Variants in PACRG observed in about 807,000 individuals in gnomAD.
PACRG encodes the protein parkin coregulated gene protein.
PACRG carries 29 observed loss-of-function variants against 29.7 expected under a neutral mutation model. The observed-to-expected ratio is 0.98, with a 90% CI of 0.73 to 1.33. The LOEUF (loss-of-function observed/expected upper bound fraction) is 1.33. Among genes scored for constraint, PACRG ranks in the 40% most tolerant of loss-of-function variants. The pLI, the probability that PACRG is intolerant of heterozygous loss-of-function variation, is 0.00. For missense variants in PACRG, 279 were observed against 316.2 expected (o/e 0.88, Z 0.89); for synonymous variants, 116 against 118.7 (o/e 0.98, Z 0.15).
chr6:162,964,738 A>G (rs923097125), intron 2 of PACRG, among the ~76,000 whole-genome samples: 5 of 152,226 alleles, frequency 3.3e-5, no homozygotes, highest in Non-Finnish European at 5.9e-5. Flanking sequence ...ATGAGCAAAG[A>G]GAAGGCAGTT....
intron 4 of PACRG, among the ~76,000 whole-genome samples, chr6:163,155,897 G>C (rs970881320): frequency 6.6e-5 from 10 of 152,188 alleles, no homozygotes; most frequent in African/African-American, 2.2e-4. Context: ...GCGCTGTTCA[G>C]GGGCCTTTTT....
chr6:163,304,015 CAA>C (rs59861286), intron 4 of PACRG, among the ~76,000 whole-genome samples: 6,886 of 76,184 alleles, frequency 0.09, 155 homozygotes, highest in Middle Eastern at 0.12. Context: ...GACTCCATTT[CAA>C]AAAAAAAAAA....
intron 2 of PACRG, among the ~76,000 whole-genome samples, chr6:162,924,543 G>T (rs1345406142): frequency 6.6e-6 from 1 of 151,968 alleles, no homozygotes; most frequent in Non-Finnish European, 1.5e-5. Context: ...AGCCTTTATT[G>T]TGCTAAGGTA....
chr6:163,193,516 C>CTGG (rs1562957663), intron 4 of PACRG, among the ~76,000 whole-genome samples: 4 of 152,084 alleles, frequency 2.6e-5, no homozygotes, highest in African/African-American at 9.7e-5. Context: ...CCAGAAATAC[C>CTGG]GAGACTGACC....
chr6:163,097,618 C>T (rs1814716311), intron 4 of PACRG, among the ~76,000 whole-genome samples: 1 of 152,148 alleles, frequency 6.6e-6, no homozygotes, highest in African/African-American at 2.4e-5. Context: ...AGACATAAGA[C>T]ATCAATCGAT....
intron 4 of PACRG, among the ~76,000 whole-genome samples, chr6:163,118,775 C>A (rs1002984220): frequency 6.6e-6 from 1 of 152,186 alleles, no homozygotes; most frequent in African/African-American, 2.4e-5. Flanking sequence ...GGGTTGCATT[C>A]TCTTAGTGAT....
intron 4 of PACRG, among the ~76,000 whole-genome samples, chr6:163,255,233 G>A (rs547364176): frequency 3.3e-5 from 5 of 152,304 alleles, no homozygotes; most frequent in South Asian, 4.1e-4. Context: ...AGGAGAGCCC[G>A]AATAAAGAGG....
chr6:162,740,992 A>G (rs1780548310), intron 1 of PACRG, among the ~76,000 whole-genome samples: 1 of 152,178 alleles, frequency 6.6e-6, no homozygotes. Flanking sequence ...ATCTGTTGTG[A>G]TGATTATAAG....
intron 2 of PACRG, among the ~76,000 whole-genome samples, chr6:163,031,731 C>A (rs1173997998): frequency 2.0e-5 from 3 of 152,168 alleles, no homozygotes; most frequent in Admixed American, 2.0e-4. Flanking sequence ...CTGAGCCCAG[C>A]CATGGGTTTC....
chr6:162,727,776 C>A (rs977031398), upstream of PACRG: 3 of 1,186,252 alleles, frequency 2.5e-6, no homozygotes, highest in Admixed American at 4.1e-5. Flanking sequence ...TCCAGGCCTC[C>A]CCGCCCCCGC....
intron 4 of PACRG, among the ~76,000 whole-genome samples, chr6:163,124,601 C>T (rs1277701669): frequency 1.3e-5 from 2 of 152,072 alleles, no homozygotes; most frequent in Non-Finnish European, 2.9e-5. Context: ...TAGGAAAGAG[C>T]CTCTGATTTT....
At chr6:163,085,570 TCTTGAATCCCCCAGG>T (rs1813484101) in intron 3 of PACRG, among the ~76,000 whole-genome samples, 1 of 152,144 alleles carries the variant, frequency 6.6e-6, no homozygotes, top group Non-Finnish European at 1.5e-5. Flanking sequence ...TTCTACTATC[TCTTGAATCCCCCAGG>T]GGAATCTCAT....
At chr6:162,792,309 A>T (rs529552938) in intron 1 of PACRG, among the ~76,000 whole-genome samples, 26 of 152,250 alleles carry the variant, frequency 1.7e-4, no homozygotes, top group Admixed American at 8.5e-4. Flanking sequence ...GGGCAGAAAT[A>T]GGAGTAAGGG....
chr6:163,211,408 C>A (rs1781133475), intron 4 of PACRG, among the ~76,000 whole-genome samples: 1 of 152,114 alleles, frequency 6.6e-6, no homozygotes, highest in African/African-American at 2.4e-5. Flanking sequence ...TCTTAAAATT[C>A]CCCATGATGA....
rs34674869 is a variant in PACRG at position 162,857,768 on chromosome 6, GT to G, written c.291+43500del. The stretch of plus-strand genomic sequence containing the variant: ...ATTCTCCAGATGATCCATTTGCTCT[GT>G]TTTTTTTTTTTTAATTTAAGGTCTC... On this transcript the variant is annotated intron_variant, in intron 2 of 4. Transcript: ENST00000366888. Among the ~76,000 whole-genome samples, 638 of 146,572 alleles carry G rather than the reference GT, an allele frequency of 4.4e-3. 4 individuals carry two copies. The highest frequency in any genetic ancestry group is 0.012 in the African/African-American group (472 of 40,252).
chr6:162,931,326 C>A (rs2151653), intron 2 of PACRG, among the ~76,000 whole-genome samples: 1 of 151,480 alleles, frequency 6.6e-6, no homozygotes, highest in Admixed American at 6.6e-5. Flanking sequence ...AAAATGTTTA[C>A]GAGGTCCAGT....
intron 2 of PACRG, among the ~76,000 whole-genome samples, chr6:162,839,822 C>T (rs71567678): frequency 0.094 from 13,971 of 148,912 alleles, 808 homozygotes; most frequent in Middle Eastern, 0.13. Flanking sequence ...GGCTAGCCAG[C>T]TTTCCCAGCA....
chr6:163,167,955 C>T lies in PACRG; in HGVS notation c.613+78547C>T, dbSNP rs567664482. 3.3e-5 allele frequency among the ~76,000 whole-genome samples: 5 copies of T among 152,280 alleles called. No individual in the cohort carries two copies. The East Asian group carries it at 5.8e-4, about 18-fold the overall frequency. On this transcript the variant is annotated intron_variant, in intron 4 of 4. Transcript: ENST00000366888. ...TTCAGATTGTGGCAGCTACTCTTTC[C>T]GATAGTTCCCATAGGTTTCCAATTG... is the stretch of plus-strand genomic sequence containing the variant.
intron 2 of PACRG, among the ~76,000 whole-genome samples, chr6:162,882,967 C>G (rs1794025247): frequency 6.6e-6 from 1 of 152,234 alleles, no homozygotes; most frequent in African/African-American, 2.4e-5. Context: ...CTCAGCCAGG[C>G]TTGAGCTGTG....
Sources: gnomAD v4.1 joint callset for allele counts (sites outside exome capture counted in the v4.1 genomes callset) on GRCh38, gnomAD v4.1.1 for gene constraint, MANE v1.5 for transcripts, NCBI Gene and HGNC (gene_info 2026-07-23, HGNC 2026-07-21) for gene names.